Variants in SCAPER observed in about 807,000 individuals in gnomAD.
The protein encoded by SCAPER is S phase cyclin A-associated protein in the endoplasmic reticulum.
In SCAPER, 98 loss-of-function variants were observed where a neutral mutation model predicts 182.2. That is an observed-to-expected ratio of 0.54 (90% CI 0.46 to 0.64). SCAPER has a LOEUF of 0.64. Among genes scored for constraint, SCAPER ranks in the 30% least tolerant of loss-of-function variants. SCAPER has a pLI of 0.00. For synonymous variants in SCAPER, 605 were observed against 564.6 expected, an observed-to-expected ratio of 1.07 and a Z score of -1.01; for missense variants, 1,432 against 1,690.0, an observed-to-expected ratio of 0.85 and a Z score of 2.68.
Position 76,777,155 on chromosome 15 carries a change from C to G in SCAPER, c.773-2038G>C, listed in dbSNP as rs74825122. The stretch of plus-strand genomic sequence containing the variant: ...AAGACATATTACCTATAGAGAAACA[C>G]CAATTCAAATTACAGCAGATTCCTC... On this transcript the variant is annotated intron_variant, in intron 8 of 31. Coordinates refer to ENST00000563290, the MANE Select transcript of SCAPER (RefSeq NM_020843.4). Among the ~76,000 whole-genome samples, 1,232 of 152,132 alleles carry G rather than the reference C, an allele frequency of 8.1e-3. 13 individuals are homozygous for G. The highest frequency in any genetic ancestry group is 0.028 in the African/African-American group (1,168 of 41,506).
At chr15:76,636,458 TAAA>T (rs201439664) in intron 21 of SCAPER, among the ~76,000 whole-genome samples, 3 of 143,522 alleles carry the variant, frequency 2.1e-5, no homozygotes, top group Admixed American at 6.9e-5. Flanking sequence ...ACCTTTAAAT[TAAA>T]AAAAAAAAAA....
intron 1 of SCAPER, among the ~76,000 whole-genome samples, chr15:76,895,778 C>T (rs142411376): frequency 3.3e-5 from 5 of 152,272 alleles, no homozygotes; most frequent in East Asian, 3.9e-4. Flanking sequence ...CAGGAGCTCA[C>T]GCCTATAATC....
chr15:76,886,538 GAACACTT>G (rs1293750940), intron 1 of SCAPER, among the ~76,000 whole-genome samples: 1 of 152,156 alleles, frequency 6.6e-6, no homozygotes, highest in Non-Finnish European at 1.5e-5. Flanking sequence ...GGAGAAAAAG[GAACACTT>G]ATACACTGTT....
At chr15:76,590,239 A>G (rs780959297) in intron 22 of SCAPER, among the ~76,000 whole-genome samples, 6 of 152,216 alleles carry the variant, frequency 3.9e-5, no homozygotes, top group Non-Finnish European at 7.3e-5. Context: ...ATAGAATGTT[A>G]TAAGTTGGAA....
chr15:76,562,771 GA>G (rs1316874219), intron 23 of SCAPER, among the ~76,000 whole-genome samples: 1 of 152,084 alleles, frequency 6.6e-6, no homozygotes, highest in African/African-American at 2.4e-5. Context: ...GCTTGCTAGA[GA>G]AATTTTTGCA....
chr15:76,366,490 A>G (rs933252293), intron 29 of SCAPER, among the ~76,000 whole-genome samples: 14 of 152,182 alleles, frequency 9.2e-5, no homozygotes, highest in African/African-American at 3.4e-4. Context: ...TTTCCAGTTT[A>G]CTGCTTTCTC....
chr15:76,757,517 C>T (rs1220037922), intron 14 of SCAPER, among the ~76,000 whole-genome samples: 1 of 151,932 alleles, frequency 6.6e-6, no homozygotes, highest in Non-Finnish European at 1.5e-5. Context: ...TGTCAGCAGA[C>T]ATTTAGGTTG....
At chr15:76,720,296 T>C (rs1418135557) in intron 17 of SCAPER, among the ~76,000 whole-genome samples, 2 of 152,128 alleles carry the variant, frequency 1.3e-5, no homozygotes, top group Non-Finnish European at 2.9e-5. Context: ...CCATGGTGTA[T>C]ATGTGCCACA....
At chr15:76,625,026 T>C (rs1214701615) in intron 21 of SCAPER, among the ~76,000 whole-genome samples, 1 of 152,108 alleles carries the variant, frequency 6.6e-6, no homozygotes, top group African/African-American at 2.4e-5. Context: ...GTGATGGCAA[T>C]GACAGGTTGG....
At chr15:76,507,966 G>A (rs62028439) in intron 23 of SCAPER, among the ~76,000 whole-genome samples, 12,572 of 152,074 alleles carry the variant, frequency 0.083, 608 homozygotes, top group African/African-American at 0.12. Flanking sequence ...TGCACTAATC[G>A]TAATTGTACA....
At chr15:76,508,636 T>C (rs1279846510) in intron 23 of SCAPER, among the ~76,000 whole-genome samples, 2 of 152,218 alleles carry the variant, frequency 1.3e-5, no homozygotes, top group African/African-American at 4.8e-5. Context: ...TTATTTGCTG[T>C]TTCCTGATGA....
At chr15:76,689,493 A>T (rs1286228895) in intron 20 of SCAPER, among the ~76,000 whole-genome samples, 1 of 152,020 alleles carries the variant, frequency 6.6e-6, no homozygotes, top group East Asian at 1.9e-4. Flanking sequence ...GTAATTTTCT[A>T]AAAAAATATC....
intron 22 of SCAPER, among the ~76,000 whole-genome samples, chr15:76,579,640 A>G (rs1204462494): frequency 2.0e-5 from 3 of 152,136 alleles, no homozygotes; most frequent in East Asian, 3.8e-4. Context: ...AGACCACAAA[A>G]TAACCAGAAA....
At chr15:76,441,056 G>T (rs900810472) in intron 25 of SCAPER, among the ~76,000 whole-genome samples, 2 of 151,300 alleles carry the variant, frequency 1.3e-5, no homozygotes, top group Non-Finnish European at 2.9e-5. Context: ...TGAGTAGCTG[G>T]GACTACAGGC....
In SCAPER at chr15:76,702,948, CT is replaced by C. The variant is rs775752879; in HGVS notation, c.2301del (p.Ala768LeufsTer4). The C allele has an allele frequency of 6.2e-7, 1 of 1,609,848 alleles. No individual in the cohort carries two copies. Among genetic ancestry groups the C allele is most frequent in the South Asian group, 1.1e-5 (1 of 89,834 alleles). On this transcript the variant is annotated frameshift_variant, in exon 19 of 32. Coordinates refer to ENST00000563290, the MANE Select transcript of SCAPER (RefSeq NM_020843.4). LOFTEE classifies it high-confidence loss of function. Reference protein sequence around the residue: ...HMEQIEQRKEKAAELSSGRHA... With the variant: ...HMEQIEQRKEXAAELSSGRHA... ...TGTCGCCCACTGCTTAGCTCAGCAG[CT>C]TTTTCTTTTCTTTGTTCAATCTGTT...
chr15:76,474,889 A>G (rs2050497440), intron 24 of SCAPER, among the ~76,000 whole-genome samples: 1 of 152,184 alleles, frequency 6.6e-6, no homozygotes, highest in African/African-American at 2.4e-5. Context: ...TGGGAGCCAG[A>G]AGGAGACTCA....
At chr15:76,718,700 T>A (rs148911735) in intron 17 of SCAPER, among the ~76,000 whole-genome samples, 1 of 151,324 alleles carries the variant, frequency 6.6e-6, no homozygotes, top group East Asian at 1.9e-4. Context: ...TAAAAAAACC[T>A]CATACAACTC....
intron 27 of SCAPER, among the ~76,000 whole-genome samples, chr15:76,392,552 A>G (rs1382311600): frequency 7.6e-6 from 1 of 132,080 alleles, no homozygotes; most frequent in Admixed American, 8.6e-5. Context: ...CCTGGGCAAC[A>G]TAGGGAGAGC....
chr15:76,855,361 C>T (rs996457232), intron 4 of SCAPER, among the ~76,000 whole-genome samples: 21 of 147,536 alleles, frequency 1.4e-4, no homozygotes, highest in African/African-American at 5.0e-4. Flanking sequence ...GACATAGGAA[C>T]ATGCAAAGAT....
Sources: gnomAD v4.1 joint callset for allele counts (sites outside exome capture counted in the v4.1 genomes callset) on GRCh38, gnomAD v4.1.1 for gene constraint, MANE v1.5 for transcripts, NCBI Gene and HGNC (gene_info 2026-07-23, HGNC 2026-07-21) for gene names.